The following RBM39 variants were observed in gnomAD, a reference collection of about 807,000 sequenced individuals.
The protein encoded by RBM39 is RNA binding motif protein 39, also known as RNA-binding protein 39.
In RBM39, 12 loss-of-function variants were observed where a neutral mutation model predicts 79.6. The observed-to-expected ratio is 0.15, with a 90% confidence interval of 0.10 to 0.24. The LOEUF (loss-of-function observed/expected upper bound fraction) is 0.24. Among genes scored for constraint, RBM39 ranks in the 10% least tolerant of loss-of-function variants. The probability of loss-of-function intolerance (pLI) is 1.00; values close to 1 mark genes in which losing one functional copy is unlikely to be tolerated. For missense variants in RBM39, 243 were observed against 653.4 expected, an observed-to-expected ratio of 0.37 and a Z score of 6.85; for synonymous variants, 185 against 208.4, an observed-to-expected ratio of 0.89 and a Z score of 0.97.
At position 35,735,205 on chromosome 20, in the gene RBM39, A is replaced by G. The variant is rs934501004; in HGVS notation, c.102-3070T>C. Reference sequence around the variant, plus strand: ...GTTATCTTTTATTGAGTAATTCTCTAAAGAGCTTAACGGAATGGACGCTGA... The same window carrying G: ...GTTATCTTTTATTGAGTAATTCTCTGAAGAGCTTAACGGAATGGACGCTGA... On this transcript the variant is annotated intron_variant, in intron 3 of 16. Coordinates refer to ENST00000253363, the MANE Select transcript of RBM39 (RefSeq NM_184234.3). 8.4e-6 allele frequency: 11 copies of G among 1,305,156 alleles called. No homozygotes were observed. The African/African-American group carries it at 1.2e-4, about 14-fold the overall frequency. The allele number at this position is 1,305,156 out of a possible 1,614,324, so 80.8% of individuals were successfully genotyped here. A position where few individuals can be genotyped will look rare whatever the true frequency, so the allele number is the denominator to read the frequency against.
intron 1 of RBM39, 150 bp from the exon 2 acceptor site, chr20:35,741,037 T>TATTTTTTTTTA: frequency 4.7e-6 from 2 of 421,486 alleles, no homozygotes; most frequent in Admixed American, 9.6e-5. Flanking sequence ...TTTCTTTTTT[T>TATTTTTTTTTA]TTTTTTTTTT....
intron 9 of RBM39, among the ~76,000 whole-genome samples, chr20:35,720,383 T>C (rs1312568942): frequency 6.6e-6 from 1 of 152,132 alleles, no homozygotes; most frequent in African/African-American, 2.4e-5. Flanking sequence ...CTTTGCCATG[T>C]AACAGCTCAT....
rs930706412 is a variant in RBM39 at position 35,734,133 on chromosome 20, T to C, written c.102-1998A>G. ...CAACTGAGGTCTGCCTCAGAGAACC[T>C]GTAAGCAGGTCATCTTTAGAGTGCA... is the stretch of plus-strand genomic sequence containing the variant. On this transcript the variant is annotated intron_variant, in intron 3 of 16. Coordinates refer to ENST00000253363, the MANE Select transcript of RBM39 (RefSeq NM_184234.3). 43 of 1,108,896 alleles carry C rather than the reference T, an allele frequency of 3.9e-5. No individual in the cohort carries two copies. The East Asian group carries it at 4.2e-4, about 11-fold the overall frequency. 68.7% of individuals were successfully genotyped at this position (1,108,896 alleles called of 1,614,324 possible).
In RBM39 at chr20:35,740,830, G is replaced by A. The variant is rs758502425; in HGVS notation, c.45C>T (p.Tyr15=). The A allele has an allele frequency of 6.2e-7, 1 of 1,611,892 alleles. No homozygotes were observed. Among genetic ancestry groups the A allele is most frequent in the Non-Finnish European group, 8.5e-7 (1 of 1,178,886 alleles). Residue 15 remains tyrosine (Y), a synonymous_variant, in exon 2 of 17, where the codon TAC becomes TAT. Coordinates refer to ENST00000253363, the MANE Select transcript of RBM39 (RefSeq NM_184234.3). ...IDIEAMLEAP[Y]KKDENKLSSA... The stretch of plus-strand genomic sequence containing the variant: ...CCGACATGTTTTTTCTCACCTTCTT[G>A]TAAGGAGCCTCAAGCATTGCTTCAA...
rs747440407 is a variant in RBM39 at position 35,707,213 on chromosome 20, AAG to A, written c.1226-14_1226-13del. 226 of 1,592,356 alleles carry A rather than the reference AAG, an allele frequency of 1.4e-4. No homozygotes were observed. The African/African-American group carries it at 1.7e-3, about 12-fold the overall frequency. On this transcript the variant is annotated splice_polypyrimidine_tract_variant and intron_variant, in intron 13 of 16. Transcript: ENST00000253363. ...AGCTAAAGCTGAAGCTAAAAAAAGA[AAG>A]AGAAAAATTAGTTTCATGGAAAATG...
chr20:35,711,662 A>T (rs866119741), intron 12 of RBM39, among the ~76,000 whole-genome samples: 1 of 152,226 alleles, frequency 6.6e-6, no homozygotes, highest in African/African-American at 2.4e-5. Context: ...AACAACCACT[A>T]AGAAGGCAAA....
At chr20:35,727,401 C>CA (rs145051301) in intron 6 of RBM39, among the ~76,000 whole-genome samples, 17,049 of 108,654 alleles carry the variant, frequency 0.16, 1,030 homozygotes, top group South Asian at 0.19. Context: ...CCGGGGGTCT[C>CA]AAAAAAAAAA....
At chr20:35,739,273 A>G (rs1374191345) in intron 2 of RBM39, 2 of 498,294 alleles carry the variant, frequency 4.0e-6, no homozygotes, top group South Asian at 2.1e-5. Context: ...TTTCTTATAT[A>G]GTTTAGATAT....
rs1455283976 is a variant in RBM39 at position 35,721,907 on chromosome 20, A to G, written c.688-30T>C. On this transcript the variant is annotated intron_variant, in intron 8 of 16. Coordinates refer to ENST00000253363, the MANE Select transcript of RBM39 (RefSeq NM_184234.3). ...AAGACAAAATACACGTCACACAGAG[A>G]TAACACACAGCAGTTTAAAGACATA... is the stretch of plus-strand genomic sequence containing the variant. 6.2e-6 allele frequency: 10 copies of G among 1,606,972 alleles called. No homozygotes were observed. The Admixed American group carries it at 1.2e-4, about 19-fold the overall frequency.
At chr20:35,708,421 T>C (rs2036007011) in intron 13 of RBM39, among the ~76,000 whole-genome samples, 2 of 152,252 alleles carry the variant, frequency 1.3e-5, no homozygotes, top group East Asian at 3.9e-4. Context: ...GAAAACGTAC[T>C]ATACAAACAT....
chr20:35,717,890 G>A (rs11907318), intron 9 of RBM39, among the ~76,000 whole-genome samples: 5 of 151,038 alleles, frequency 3.3e-5, no homozygotes, highest in Admixed American at 6.6e-5. Context: ...ACGGAGTCTC[G>A]CTCTGTGGCG....
At chr20:35,714,062 C>A in intron 11 of RBM39, 123 bp downstream of exon 11, 1 of 907,950 alleles carries the variant, frequency 1.1e-6, no homozygotes, top group East Asian at 2.6e-5. Context: ...TGCAGTGTGA[C>A]CAAGGATAAC....
chr20:35,726,985 C>G (rs1223947564), intron 6 of RBM39, among the ~76,000 whole-genome samples: 1 of 148,190 alleles, frequency 6.7e-6, no homozygotes, highest in East Asian at 1.9e-4. Flanking sequence ...CCACTACATC[C>G]GGCTAATTTT....
chr20:35,741,642 G>A (rs917853977), intron 1 of RBM39: 1 of 152,138 alleles, frequency 6.6e-6, no homozygotes, highest in African/African-American at 2.4e-5. Context: ...CCCTCCATTG[G>A]GAGGGGTTAT....
In RBM39 at chr20:35,739,114, A is replaced by T. The variant is rs1256584980; in HGVS notation, c.52-97T>A. 7 of 1,012,258 alleles carry T rather than the reference A, an allele frequency of 6.9e-6. No individual in the cohort carries two copies. The Admixed American group carries it at 1.5e-4, about 22-fold the overall frequency. 62.7% of individuals were successfully genotyped at this position (1,012,258 alleles called of 1,614,324 possible). Reference sequence around the variant, plus strand: ...AACAGGAATAAGAAAATACAAAACAATTTTAAAACTAATTATTTACTTATA... The same window carrying T: ...AACAGGAATAAGAAAATACAAAACATTTTTAAAACTAATTATTTACTTATA... On this transcript the variant is annotated intron_variant, in intron 2 of 16. Transcript: ENST00000253363.
chr20:35,718,953 C>T (rs2425093), intron 9 of RBM39, among the ~76,000 whole-genome samples: 28,347 of 151,658 alleles, frequency 0.19, 3,050 homozygotes, highest in African/African-American at 0.31. Flanking sequence ...TGGGTGACAG[C>T]GCAGGACTCA....
At chr20:35,717,265 G>C (rs1364234230) in intron 9 of RBM39, among the ~76,000 whole-genome samples, 1 of 150,904 alleles carries the variant, frequency 6.6e-6, no homozygotes, top group Admixed American at 6.6e-5. Flanking sequence ...GGACAACAGA[G>C]CGAGACTTGG....
In RBM39 at chr20:35,707,211, G is replaced by C. The variant is rs371557409; in HGVS notation, c.1226-10C>G. The C allele has an allele frequency of 3.1e-6, 5 of 1,593,218 alleles. No homozygotes were observed. In the East Asian group the frequency reaches 6.7e-5, roughly 21 times the overall value. On this transcript the variant is annotated splice_polypyrimidine_tract_variant and intron_variant, in intron 13 of 16. Transcript: ENST00000253363. ...GCAGCTAAAGCTGAAGCTAAAAAAA[G>C]AAAGAGAAAAATTAGTTTCATGGAA...
At chr20:35,736,641 G>GT (rs536874666) in intron 3 of RBM39, 90 of 462,354 alleles carry the variant, frequency 1.9e-4, no homozygotes, top group Non-Finnish European at 3.3e-4. Context: ...ACATAAGGTC[G>GT]TAAGTATGAC....
Sources: gnomAD v4.1 joint callset for allele counts (sites outside exome capture counted in the v4.1 genomes callset) on GRCh38, gnomAD v4.1.1 for gene constraint, MANE v1.5 for transcripts, NCBI Gene and HGNC (gene_info 2026-07-23, HGNC 2026-07-21) for gene names.